TTN: variants seen among roughly 807,000 people sequenced by gnomAD.
TTN encodes the protein connectin.
In TTN, 1,525 loss-of-function variants were observed where a neutral mutation model predicts 3,223.0. The observed-to-expected ratio is 0.47, with a 90% CI of 0.45 to 0.49. TTN has a LOEUF of 0.49. Ranked by LOEUF, TTN falls within the 20% of genes least tolerant of loss-of-function variation. The pLI is 0.00. For synonymous variants in TTN, 14,094 were observed against 15,161.0 expected, an observed-to-expected ratio of 0.93 and a Z score of 5.17; for missense variants, 40,786 against 43,424.0, an observed-to-expected ratio of 0.94 and a Z score of 5.40.
chr2:178,651,366 A>C, intron 207 of TTN, 46 bp from the exon 208 acceptor site: 1 of 1,606,734 alleles, frequency 6.2e-7, no homozygotes, highest in African/African-American at 1.3e-5. Flanking sequence ...TCACCAGTAA[A>C]CATTCATCAC....
rs780747044 is a variant in TTN at position 178,664,064 on chromosome 2, C to A, written c.36315G>T (p.Lys12105Asn). 1 of 1,613,124 alleles carries A rather than the reference C, an allele frequency of 6.2e-7. No homozygotes were observed. The highest frequency in any genetic ancestry group is 2.2e-5 in the East Asian group (1 of 44,872). Residue 12105 changes from lysine to asparagine, a missense_variant, in exon 169 of 363, where the codon AAG (lysine) becomes AAT (asparagine). Transcript: ENST00000589042. ...HEAPKEIIPE[K>N]KVSVVPPKKP... ...TTTTAGGAGGCACCACCGACACTTT[C>A]TTTTCAGGGATAATCTCTTTGGGAG... is the stretch of plus-strand genomic sequence containing the variant.
chr2:178,767,229 T>C (rs1475108205), intron 40 of TTN, among the ~76,000 whole-genome samples: 2 of 152,210 alleles, frequency 1.3e-5, no homozygotes, highest in Admixed American at 6.5e-5. Flanking sequence ...TTTGGGATGG[T>C]GGACACTTAT....
rs149155733 is a variant in TTN, at chr2:178,785,691, G to A, written c.2422C>T (p.Arg808Cys). The A allele has an allele frequency of 1.2e-5, 20 of 1,614,136 alleles. No homozygotes were observed. The highest frequency in any genetic ancestry group is 8.3e-5 in the Admixed American group (5 of 60,030). ...TTERLVHVDK[R>C]PRTASPHFTV... Reference sequence around the variant, plus strand: ...AAGTGAGGGCTAGCTGTGCGGGGGCGTTTATCCACATGGACTAATCTTTCC... The same window carrying A: ...AAGTGAGGGCTAGCTGTGCGGGGGCATTTATCCACATGGACTAATCTTTCC... The change falls in exon 15 of 363, where the codon CGC (arginine) becomes TGC (cysteine). Residue 808 changes from arginine to cysteine, a missense_variant. Physicochemically the swap from Arg to Cys is radical, Grantham distance 180. Transcript: ENST00000589042.
chr2:178,613,839 T>C lies in TTN; in HGVS notation c.49444A>G (p.Ile16482Val), dbSNP rs1029563364. The C allele has an allele frequency of 5.6e-6, 9 of 1,612,448 alleles. No homozygotes were observed. Among genetic ancestry groups the C allele is most frequent in the Admixed American group, 1.7e-5 (1 of 59,910 alleles). ...AGTCTTTCAACCCAGTATCCTGTGA[T>C]TGGGCTGCCACCATCATCATCTGGC... is the stretch of plus-strand genomic sequence containing the variant. ...CEPDDDGGSP[I>V]TGYWVERLDP... is the part of the protein sequence containing the mutation. Residue 16482 changes from isoleucine (I) to valine (V), a missense_variant, in exon 263 of 363, where the codon ATC becomes GTC. By Grantham distance (29) the Ile-to-Val change is conservative. Transcript: ENST00000589042.
In TTN at chr2:178,721,837, G is replaced by T. The variant is rs756230687; in HGVS notation, c.22816+10C>A. The T allele has an allele frequency of 7.9e-6, 12 of 1,522,570 alleles. No individual in the cohort carries two copies. The highest frequency in any genetic ancestry group is 1.4e-5 in the African/African-American group (1 of 72,004). The allele number at this position is 1,522,570 out of a possible 1,614,324, so 94.3% of individuals were successfully genotyped here. On this transcript the variant is annotated intron_variant, in intron 78 of 362. Coordinates refer to ENST00000589042, the MANE Select transcript of TTN (RefSeq NM_001267550.2). ...AGGAACAAATATTGTCAAAAGTCAT[G>T]GAATGATACCTTTTACACTGAGCTG...
At position 178,594,360 on chromosome 2, in the gene TTN, A is replaced by G; in HGVS notation, c.58134T>C (p.Thr19378=). 1 of 1,594,288 alleles carries G rather than the reference A, an allele frequency of 6.3e-7. No homozygotes were observed. The highest frequency in any genetic ancestry group is 8.5e-7 in the Non-Finnish European group (1 of 1,171,038). Reference sequence around the variant, plus strand: ...GACACATACCCAGCTCATCCTTGCAAGTAATTGGTTTGGTGCAAAATGATG... The same window carrying G: ...GACACATACCCAGCTCATCCTTGCAGGTAATTGGTTTGGTGCAAAATGATG... ...GKPSFCTKPI[T]CKDELAPPTL... Residue 19378 remains threonine, a synonymous_variant, in exon 296 of 363, where the codon ACT becomes ACC. Transcript: ENST00000589042.
chr2:178,653,051 T>C lies in TTN; in HGVS notation c.38865A>G (p.Pro12955=). 3 of 1,612,958 alleles carry C rather than the reference T, an allele frequency of 1.9e-6. No homozygotes were observed. The highest frequency in any genetic ancestry group is 2.5e-6 in the Non-Finnish European group (3 of 1,179,470). Residue 12955 remains proline, a synonymous_variant, in exon 199 of 363, where the codon CCA becomes CCG. Coordinates refer to ENST00000589042, the MANE Select transcript of TTN (RefSeq NM_001267550.2). The part of the protein sequence containing the change: ...PVTPPKKPEV[P]PVKVPEAPIE... ...GCCAGTGACAAATACCTTTAACAGG[T>C]GGGACTTCAGGTTTTTTAGGAGGAG...
At position 178,562,422 on chromosome 2, in the gene TTN, T is replaced by C. The variant is rs1320086002; in HGVS notation, c.83710A>G (p.Thr27904Ala). The change falls in exon 326 of 363, where the codon ACT becomes GCT. Residue 27904 changes from threonine to alanine, a missense_variant. Physicochemically the swap from Thr to Ala is moderately conservative, Grantham distance 58. Transcript: ENST00000589042. Reference protein sequence around the residue: ...KITGYVVEMQTKGSEKWSTCT... With the variant: ...KITGYVVEMQAKGSEKWSTCT... ...GTGCTCCACTTTTCACTCCCTTTAG[T>C]CTGCATTTCAACCACATAACCAGTA... The C allele has an allele frequency of 6.2e-7, 1 of 1,613,138 alleles. No individual in the cohort carries two copies.
rs760934964 is a variant in TTN at position 178,632,957 on chromosome 2, C to A, written c.43174G>T (p.Ala14392Ser). 4.3e-6 allele frequency: 7 copies of A among 1,613,124 alleles called. No individual in the cohort carries two copies. In the Admixed American group the frequency reaches 1.2e-4, roughly 27 times the overall value. ...LGMTGEVSFQ[A>S]ANAKSAANLK... Reference sequence around the variant, plus strand: ...TTGGCTGCAGATTTGGCATTAGCAGCCTGGAAGGAAACCTCTCCTGTCATA... The same window carrying A: ...TTGGCTGCAGATTTGGCATTAGCAGACTGGAAGGAAACCTCTCCTGTCATA... The change falls in exon 234 of 363, where the codon GCT (alanine) becomes TCT (serine). Residue 14392 changes from alanine (A) to serine (S), a missense_variant. Physicochemically the swap from Ala to Ser is moderately conservative, Grantham distance 99. Coordinates refer to ENST00000589042, the MANE Select transcript of TTN (RefSeq NM_001267550.2).
At position 178,701,175 on chromosome 2, in the gene TTN, G is replaced by A; in HGVS notation, c.30627C>T (p.Ile10209=). The change falls in exon 111 of 363, where the codon ATC becomes ATT. Residue 10209 remains isoleucine (I), a synonymous_variant. Coordinates refer to ENST00000589042, the MANE Select transcript of TTN (RefSeq NM_001267550.2). ...EEIPPVVAPP[I]PLLLPTPEEK... ...CTTCGGGTGTTGGTAGCAAAAGGGG[G>A]ATAGGAGGAGCAACCACAGGAGGGA... is the stretch of plus-strand genomic sequence containing the variant. 1.2e-6 allele frequency: 2 copies of A among 1,613,632 alleles called. No individual in the cohort carries two copies. The highest frequency in any genetic ancestry group is 1.7e-6 in the Non-Finnish European group (2 of 1,179,728).
At chr2:178,751,879 G>T (rs763044593) in intron 47 of TTN, 28 of 1,604,462 alleles carry the variant, frequency 1.7e-5, no homozygotes, top group Non-Finnish European at 2.3e-5. Context: ...TAAGTTTCTG[G>T]GTAAAAGAAG....
chr2:178,595,742 T>G lies in TTN; in HGVS notation c.57612A>C (p.Thr19204=). The change falls in exon 295 of 363, where the codon ACA becomes ACC. Residue 19204 remains threonine, a synonymous_variant. Transcript: ENST00000589042. ...HNLTNESCKL[T]WFSPEDDGGS... Reference sequence around the variant, plus strand: ...CTCCATCATCTTCTGGAGAAAACCATGTCAGTTTGCAGGACTCATTGGTTA... The same window carrying G: ...CTCCATCATCTTCTGGAGAAAACCAGGTCAGTTTGCAGGACTCATTGGTTA... 1.2e-6 allele frequency: 2 copies of G among 1,609,662 alleles called. No homozygotes were observed. The highest frequency in any genetic ancestry group is 1.7e-4 in the Middle Eastern group (1 of 6,052).
chr2:178,711,403 C>G, intron 96 of TTN, 54 bp from the exon 97 acceptor site: 1 of 1,498,804 alleles, frequency 6.7e-7, no homozygotes, highest in Non-Finnish European at 8.9e-7. Context: ...ATGCTCTTCT[C>G]ACAATTATAT....
rs1553906488 is a variant in TTN, at chr2:178,720,055, A to G, written c.23587T>C (p.Ser7863Pro). 6 of 1,613,572 alleles carry G rather than the reference A, an allele frequency of 3.7e-6. No individual in the cohort carries two copies. Among genetic ancestry groups the G allele is most frequent in the Non-Finnish European group, 5.1e-6 (6 of 1,179,650 alleles). ...LQLGSPEASN[S>P]GKYICQIKND... ...TTGATTTGGCATATATATTTTCCAG[A>G]ATTAGATGCTTCTGGACTCCCCAGC... Residue 7863 changes from serine (S) to proline (P), a missense_variant, in exon 81 of 363, where the codon TCT becomes CCT. Coordinates refer to ENST00000589042, the MANE Select transcript of TTN (RefSeq NM_001267550.2).
At position 178,563,588 on chromosome 2, in the gene TTN, C is replaced by G. The variant is rs757660615; in HGVS notation, c.82544G>C (p.Arg27515Thr). ...TGTTTTCTTGTTGCACTTGGTCCAT[C>G]TAACGCCTTCCTTATCTCGTTTTTC... The part of the protein sequence containing the change: ...ILEKRDKEGV[R>T]WTKCNKKTLT... Residue 27515 changes from arginine (R) to threonine (T), a missense_variant, in exon 326 of 363, where the codon AGA (arginine) becomes ACA (threonine). Transcript: ENST00000589042. The surrounding 1 kb of genome is among the most constrained non-coding windows in gnomAD (Gnocchi z 4.5). The G allele has an allele frequency of 3.1e-6, 5 of 1,613,764 alleles. No homozygotes were observed. The highest frequency in any genetic ancestry group is 2.2e-5 in the East Asian group (1 of 44,830).
intron 147 of TTN, among the ~76,000 whole-genome samples, chr2:178,676,769 G>A (rs2068156386): frequency 6.6e-6 from 1 of 151,732 alleles, no homozygotes; most frequent in Non-Finnish European, 1.5e-5. Flanking sequence ...CTATTATTCT[G>A]TGTTTTGATA....
In TTN at chr2:178,541,396, A is replaced by G; in HGVS notation, c.97681T>C (p.Ser32561Pro). 1.2e-6 allele frequency: 2 copies of G among 1,612,186 alleles called. No individual in the cohort carries two copies. Among genetic ancestry groups the G allele is most frequent in the Non-Finnish European group, 8.5e-7 (1 of 1,179,114 alleles). ...KVPVTMTRYR[S>P]TGLTEGLEYE... ...TCTAAGCCTTCAGTAAGGCCAGTGG[A>G]GCGGTACCGTGTCATTGTCACAGGT... Residue 32561 changes from serine to proline, a missense_variant, in exon 350 of 363, where the codon TCC becomes CCC. Transcript: ENST00000589042.
chr2:178,676,013 C>T lies in TTN; in HGVS notation c.34379-18G>A. 6.3e-7 allele frequency: 1 copy of T among 1,579,520 alleles called. No individual in the cohort carries two copies. The highest frequency in any genetic ancestry group is 8.6e-7 in the Non-Finnish European group (1 of 1,160,964). On this transcript the variant is annotated intron_variant, in intron 147 of 362. Coordinates refer to ENST00000589042, the MANE Select transcript of TTN (RefSeq NM_001267550.2). ...TTCAGGCACTTTAAAGACATCATTT[C>T]ATGATAAGGATTTATTTTGAAGGAC...
Position 178,718,403 on chromosome 2 carries a change from T to C in TTN, c.24703A>G (p.Ile8235Val), listed in dbSNP as rs772492248. 5 of 1,613,822 alleles carry C rather than the reference T, an allele frequency of 3.1e-6. No individual in the cohort carries two copies. Among genetic ancestry groups the C allele is most frequent in the Admixed American group, 1.7e-5 (1 of 60,014 alleles). Residue 8235 changes from isoleucine to valine, a missense_variant, in exon 85 of 363, where the codon ATA becomes GTA. Transcript: ENST00000589042. ...CAGCTGTACTGTGCATAATCCTCTA[T>C]TGTGCTCTCAAGAATTTCCAGTATG... ...STILEILEST[I>V]EDYAQYSCLI... is the part of the protein sequence containing the mutation.
Sources: gnomAD v4.1 joint callset for allele counts (sites outside exome capture counted in the v4.1 genomes callset) on GRCh38, gnomAD v4.1.1 for gene constraint, Gnocchi (gnomAD v3.1) non-coding constraint, MANE v1.5 for transcripts, NCBI Gene and HGNC (gene_info 2026-07-23, HGNC 2026-07-21) for gene names.